Variants in UNC5C observed in about 807,000 individuals in gnomAD.
The protein encoded by UNC5C is unc-5 netrin receptor C, also known as netrin receptor UNC5C.
In UNC5C, 47 loss-of-function variants were observed where a neutral mutation model predicts 99.8. The ratio of observed to expected loss-of-function variants is 0.47; its 90% CI spans 0.37 to 0.60. UNC5C has a LOEUF of 0.60. UNC5C is among the 20% of genes least tolerant of loss of function. UNC5C has a pLI of 0.00. For synonymous variants in UNC5C, 487 were observed against 452.2 expected (o/e 1.08, Z -0.98); for missense variants, 1,062 against 1,165.9 (o/e 0.91, Z 1.30).
Position 95,348,293 on chromosome 4 carries a change from AACACTCAT to A in UNC5C, c.125-12670_125-12663del, listed in dbSNP as rs574094111. ...GCTGGAAAGGATGTGGAGATAAGAG[AACACTCAT>A]ACACTGTTGGGGGGAATGTAAATTA... On this transcript the variant is annotated intron_variant, in intron 1 of 15. Coordinates refer to ENST00000453304, the MANE Select transcript of UNC5C (RefSeq NM_003728.4). Among the ~76,000 whole-genome samples, 6 of 152,040 alleles carry A rather than the reference AACACTCAT, an allele frequency of 3.9e-5. No individual in the cohort carries two copies. The South Asian group carries it at 1.2e-3, about 32-fold the overall frequency.
rs933160167 is a variant in UNC5C, at chr4:95,165,207, G to T, written c.*4027C>A. ...AAATACCTTAAAAAAATTACTGGTC[G>T]CATAGTTTCAGGGTGTCCTGAACTC... On this transcript the variant is annotated 3_prime_UTR_variant, in exon 16 of 16. Transcript: ENST00000453304. 1.3e-5 allele frequency: 2 copies of T among 151,904 alleles called. No individual in the cohort carries two copies. The highest frequency in any genetic ancestry group is 2.1e-4 in the South Asian group (1 of 4,798). 9.4% of individuals were successfully genotyped at this position (151,904 alleles called of 1,614,324 possible).
chr4:95,547,353 A>C (rs35737522), intron 1 of UNC5C, among the ~76,000 whole-genome samples: 33,263 of 151,248 alleles, frequency 0.22, 4,416 homozygotes, highest in Non-Finnish European at 0.31. Flanking sequence ...CCCAGACCGC[A>C]CTCCTATGCT....
chr4:95,309,178 G>A (rs933805437), intron 2 of UNC5C, among the ~76,000 whole-genome samples: 6 of 152,092 alleles, frequency 3.9e-5, no homozygotes, highest in Non-Finnish European at 8.8e-5. Flanking sequence ...ATACACAATG[G>A]GGAAAGGACG....
chr4:95,413,591 G>C (rs1746067241), intron 1 of UNC5C, among the ~76,000 whole-genome samples: 1 of 152,170 alleles, frequency 6.6e-6, no homozygotes, highest in African/African-American at 2.4e-5. Flanking sequence ...TCTTCCCAGT[G>C]GTGGAAATGA....
chr4:95,402,283 G>A (rs1044203852), intron 1 of UNC5C, among the ~76,000 whole-genome samples: 5 of 152,086 alleles, frequency 3.3e-5, no homozygotes, highest in Non-Finnish European at 5.9e-5. Context: ...TTCATCAGAT[G>A]TACATTTTCA....
chr4:95,263,816 G>A (rs1194750913), intron 4 of UNC5C, among the ~76,000 whole-genome samples: 1 of 152,146 alleles, frequency 6.6e-6, no homozygotes, highest in Non-Finnish European at 1.5e-5. Context: ...GATGACTTCT[G>A]TATAACTCTG....
intron 1 of UNC5C, among the ~76,000 whole-genome samples, chr4:95,500,891 C>T (rs1045856352): frequency 6.6e-6 from 1 of 151,994 alleles, no homozygotes; most frequent in African/African-American, 2.4e-5. Flanking sequence ...TATATTTTTT[C>T]CCTTGGGCAT....
At chr4:95,369,130 A>G (rs1380743225) in intron 1 of UNC5C, among the ~76,000 whole-genome samples, 1 of 152,136 alleles carries the variant, frequency 6.6e-6, no homozygotes, top group South Asian at 2.1e-4. Flanking sequence ...AAGTGCTGGG[A>G]TTACAGGCAT....
intron 1 of UNC5C, among the ~76,000 whole-genome samples, chr4:95,446,121 G>A (rs890807343): frequency 4.6e-5 from 7 of 152,094 alleles, no homozygotes; most frequent in Non-Finnish European, 1.0e-4. Context: ...GAACTCATCT[G>A]TTCTTAAGTA....
chr4:95,426,558 C>T (rs777550844), intron 1 of UNC5C, among the ~76,000 whole-genome samples: 15 of 152,186 alleles, frequency 9.9e-5, no homozygotes, highest in Non-Finnish European at 1.8e-4. Context: ...GAAAGCTAGG[C>T]CTCTTGTGCC....
At chr4:95,303,373 A>G (rs934006683) in intron 2 of UNC5C, among the ~76,000 whole-genome samples, 1 of 151,728 alleles carries the variant, frequency 6.6e-6, no homozygotes, top group East Asian at 1.9e-4. Flanking sequence ...CACATCTACA[A>G]TGTTTATAAT....
chr4:95,490,815 T>TA (rs1721461378), intron 1 of UNC5C, among the ~76,000 whole-genome samples: 1 of 151,772 alleles, frequency 6.6e-6, no homozygotes, highest in Admixed American at 6.6e-5. Flanking sequence ...ACAAATGATT[T>TA]AAAAATTGAA....
intron 1 of UNC5C, among the ~76,000 whole-genome samples, chr4:95,499,717 G>T (rs1214856108): frequency 1.3e-5 from 2 of 152,054 alleles, no homozygotes; most frequent in Non-Finnish European, 2.9e-5. Flanking sequence ...ACTCCAGTAA[G>T]CTCCCTCCCC....
intron 1 of UNC5C, among the ~76,000 whole-genome samples, chr4:95,408,627 A>C (rs1450673043): frequency 6.6e-6 from 1 of 152,194 alleles, no homozygotes; most frequent in East Asian, 1.9e-4. Context: ...GTTTAATAAG[A>C]AAGAGAATCA....
At chr4:95,541,182 A>G (rs1471227442) in intron 1 of UNC5C, among the ~76,000 whole-genome samples, 1 of 152,188 alleles carries the variant, frequency 6.6e-6, no homozygotes, top group Non-Finnish European at 1.5e-5. Flanking sequence ...CCTGAGGTCA[A>G]CTGTGGTCCA....
chr4:95,536,583 T>C (rs183300509), intron 1 of UNC5C, among the ~76,000 whole-genome samples: 3 of 152,344 alleles, frequency 2.0e-5, no homozygotes, highest in Admixed American at 1.3e-4. Flanking sequence ...TACTAGTTCA[T>C]AGATGTGTGT....
chr4:95,264,492 C>A (rs1740366548), intron 4 of UNC5C, among the ~76,000 whole-genome samples: 1 of 151,966 alleles, frequency 6.6e-6, no homozygotes, highest in South Asian at 2.1e-4. Context: ...GATATCAACT[C>A]CCCCAATGCT....
chr4:95,512,515 G>C lies in UNC5C; in HGVS notation c.124+36219C>G, dbSNP rs574948818. On this transcript the variant is annotated intron_variant, in intron 1 of 15. Transcript: ENST00000453304. The stretch of plus-strand genomic sequence containing the variant: ...GTTCATGTATAAAATAAAGCAATGA[G>C]AGGCCTTCACCTTTCATTCTGCCAA... Among the ~76,000 whole-genome samples, 16 of 152,226 alleles carry C rather than the reference G, an allele frequency of 1.1e-4. 1 individual carries two copies. In the East Asian group the frequency reaches 3.1e-3, roughly 30 times the overall value.
At chr4:95,201,861 C>T (rs1737683790) in intron 12 of UNC5C, among the ~76,000 whole-genome samples, 1 of 152,198 alleles carries the variant, frequency 6.6e-6, no homozygotes, top group African/African-American at 2.4e-5. Context: ...GCCTTAGCCT[C>T]CCAAAGTGCT....
Sources: allele counts gnomAD v4.1 joint callset (sites outside exome capture counted in the v4.1 genomes callset), GRCh38; gene constraint gnomAD v4.1.1; transcripts MANE v1.5; gene names NCBI Gene and HGNC (gene_info 2026-07-23, HGNC 2026-07-21).